PARG: variants seen among roughly 807,000 people sequenced by gnomAD.
The protein encoded by PARG is mitochondrial poly(ADP-ribose) glycohydrolase.
In PARG, 35 loss-of-function variants were observed where a neutral mutation model predicts 113.0. The ratio of observed to expected loss-of-function variants is 0.31; its 90% CI spans 0.24 to 0.41. PARG has a LOEUF of 0.41. PARG is among the 10% of genes least tolerant of loss of function. The probability of loss-of-function intolerance (pLI) is 1.00; values close to 1 mark genes in which losing one functional copy is unlikely to be tolerated. For synonymous variants in PARG, 330 were observed against 409.9 expected (o/e 0.81, Z 2.36); for missense variants, 797 against 1,169.4 (o/e 0.68, Z 4.64).
At chr10:49,822,065 G>A (rs1844118463) in intron 16 of PARG, among the ~76,000 whole-genome samples, 1 of 152,124 alleles carries the variant, frequency 6.6e-6, no homozygotes, top group Non-Finnish European at 1.5e-5. Flanking sequence ...AGAGGAATGA[G>A]CAAATGAATA....
At chr10:49,913,562 T>G (rs1837311447) in intron 7 of PARG, among the ~76,000 whole-genome samples, 1 of 152,146 alleles carries the variant, frequency 6.6e-6, no homozygotes, top group African/African-American at 2.4e-5. Flanking sequence ...CTTAGTGTAG[T>G]TGTGGGGACT....
chr10:49,927,177 C>T (rs192886054), intron 4 of PARG, among the ~76,000 whole-genome samples: 5 of 151,970 alleles, frequency 3.3e-5, no homozygotes, highest in African/African-American at 9.7e-5. Flanking sequence ...CATTGTGCCG[C>T]GCGTCGGTAG....
At chr10:49,909,631 T>C (rs1196580548) in intron 7 of PARG, 25 of 168,592 alleles carry the variant, frequency 1.5e-4, no homozygotes, top group African/African-American at 5.7e-4. Flanking sequence ...AAGGCTGTGG[T>C]CCAAGGCCAT....
intron 7 of PARG, among the ~76,000 whole-genome samples, chr10:49,899,260 A>C (rs1341139554): frequency 6.6e-6 from 1 of 152,258 alleles, no homozygotes; most frequent in Non-Finnish European, 1.5e-5. Flanking sequence ...TCAAAAATTA[A>C]AAGTACAAAA....
intron 15 of PARG, among the ~76,000 whole-genome samples, chr10:49,837,080 G>A (rs1438005473): frequency 6.6e-6 from 1 of 152,080 alleles, no homozygotes; most frequent in African/African-American, 2.4e-5. Context: ...ATTAAACATT[G>A]CTTCACAGTA....
At chr10:49,917,959 T>C (rs1298684701) in intron 6 of PARG, among the ~76,000 whole-genome samples, 1 of 151,928 alleles carries the variant, frequency 6.6e-6, no homozygotes, top group East Asian at 1.9e-4. Flanking sequence ...ACAATGCATA[T>C]ACTGGAGCAA....
At chr10:49,851,184 A>C (rs1335463992) in intron 13 of PARG, among the ~76,000 whole-genome samples, 1 of 151,348 alleles carries the variant, frequency 6.6e-6, no homozygotes, top group Non-Finnish European at 1.5e-5. Context: ...ATTAGGAATA[A>C]GAGTTTGTAA....
chr10:49,876,956 T>A (rs1440465126), intron 9 of PARG, among the ~76,000 whole-genome samples: 2 of 151,808 alleles, frequency 1.3e-5, no homozygotes, highest in Admixed American at 1.3e-4. Context: ...AAAAAAACTA[T>A]CCTGTTTGCT....
At chr10:49,843,301 G>C (rs565112269) in intron 14 of PARG, among the ~76,000 whole-genome samples, 14 of 152,348 alleles carry the variant, frequency 9.2e-5, no homozygotes, top group Admixed American at 8.5e-4. Flanking sequence ...CAGAGGTAAA[G>C]AACTGTAGAG....
At chr10:49,918,509 A>G (rs1447716307) in intron 6 of PARG, among the ~76,000 whole-genome samples, 2 of 152,224 alleles carry the variant, frequency 1.3e-5, no homozygotes, top group African/African-American at 4.8e-5. Flanking sequence ...TAAGTTCTTT[A>G]TGGTTCATAA....
chr10:49,920,495 T>A (rs57852341), intron 6 of PARG, among the ~76,000 whole-genome samples: 2 of 89,400 alleles, frequency 2.2e-5, no homozygotes, highest in African/African-American at 9.2e-5. Context: ...TATATATATA[T>A]ATACACACAC....
At chr10:49,899,928 G>C (rs1280860895) in intron 7 of PARG, among the ~76,000 whole-genome samples, 2 of 152,184 alleles carry the variant, frequency 1.3e-5, no homozygotes, top group African/African-American at 4.8e-5. Context: ...CCTAACGATA[G>C]ATAAATGAAA....
intron 9 of PARG, among the ~76,000 whole-genome samples, chr10:49,878,967 A>C (rs2941138): frequency 1.3e-5 from 2 of 152,230 alleles, no homozygotes; most frequent in Admixed American, 6.5e-5. Flanking sequence ...GAGGGAAGAA[A>C]AAACATTAGT....
At chr10:49,870,719 A>C (rs2132588369) in intron 9 of PARG, among the ~76,000 whole-genome samples, 1 of 146,854 alleles carries the variant, frequency 6.8e-6, no homozygotes, top group East Asian at 2.0e-4. Context: ...ATAGAGACTC[A>C]GTGGCTATGA....
intron 16 of PARG, among the ~76,000 whole-genome samples, chr10:49,830,550 TAAAC>T (rs1412429389): frequency 6.6e-6 from 1 of 152,160 alleles, no homozygotes; most frequent in Non-Finnish European, 1.5e-5. Flanking sequence ...ATGTAACAGT[TAAAC>T]AATTAATATT....
chr10:49,932,273 A>T lies in PARG; in HGVS notation c.1282T>A (p.Trp428Arg). The change falls in exon 4 of 18, where the codon TGG becomes AGG. Residue 428 changes from tryptophan to arginine, a missense_variant. By Grantham distance (101) the Trp-to-Arg change is moderately radical (BLOSUM62 -3). Coordinates refer to ENST00000616448, the MANE Select transcript of PARG (RefSeq NM_003631.5). ...TCTGTTCTTTGATGTTTGGTTTCCC[A>T]CTGTTCTTTTCTAAGGTCAAGACAA... The part of the protein sequence containing the change: ...PKAEDRRKEQ[W>R]ETKHQRTERK... 6.4e-7 allele frequency: 1 copy of T among 1,570,796 alleles called. No homozygotes were observed.
At chr10:49,928,881 A>T (rs1452378014) in intron 4 of PARG, among the ~76,000 whole-genome samples, 2 of 152,268 alleles carry the variant, frequency 1.3e-5, no homozygotes, top group Non-Finnish European at 2.9e-5. Context: ...GCTATTAAGT[A>T]ACTGTTAATT....
chr10:49,937,611 A>G (rs1407247026), intron 1 of PARG, among the ~76,000 whole-genome samples: 1 of 152,212 alleles, frequency 6.6e-6, no homozygotes, highest in African/African-American at 2.4e-5. Flanking sequence ...CTAGGTTCCT[A>G]TAACACACAC....
intron 3 of PARG, 67 bp from the exon 4 acceptor site, chr10:49,932,350 C>T: frequency 1.1e-6 from 1 of 918,244 alleles, no homozygotes; most frequent in South Asian, 1.3e-5. Context: ...GATACACAAG[C>T]ACAAAACTTA....
Sources: allele counts gnomAD v4.1 joint callset (sites outside exome capture counted in the v4.1 genomes callset), GRCh38; gene constraint gnomAD v4.1.1; transcripts MANE v1.5; gene names NCBI Gene and HGNC (gene_info 2026-07-23, HGNC 2026-07-21).